The following GPBP1 variants were observed in gnomAD, a reference collection of about 807,000 sequenced individuals.
GPBP1 encodes GC-rich promoter binding protein 1, also known as vasculin.
A neutral mutation model predicts 56.5 loss-of-function variants in GPBP1; 13 were observed. The observed-to-expected ratio is 0.23, with a 90% CI of 0.15 to 0.37. GPBP1 has a LOEUF of 0.37. Among genes scored for constraint, GPBP1 ranks in the 10% least tolerant of loss-of-function variants. GPBP1 has a pLI of 1.00. For synonymous variants in GPBP1, 204 were observed against 188.9 expected (o/e 1.08, Z -0.66); for missense variants, 477 against 572.3 (o/e 0.83, Z 1.70).
chr5:57,203,857 A>G (rs930069075), intron 2 of GPBP1, among the ~76,000 whole-genome samples: 1 of 152,212 alleles, frequency 6.6e-6, no homozygotes, highest in African/African-American at 2.4e-5. Flanking sequence ...GGTAACTAAC[A>G]GATAAGACAT....
intron 2 of GPBP1, among the ~76,000 whole-genome samples, chr5:57,191,649 C>A (rs1754531577): frequency 6.6e-6 from 1 of 151,730 alleles, no homozygotes; most frequent in Admixed American, 6.6e-5. Flanking sequence ...GCAACCTCCG[C>A]CTCCTGGGTT....
Position 57,247,221 on chromosome 5 carries a change from A to G in GPBP1, c.804+6A>G, listed in dbSNP as rs774934711. ...CTACAAATTCAGTGAAAGAGGTATGACATTAAAAATCACACTTGAGGAATG... is the reference window on the plus strand; with the variant it reads ...CTACAAATTCAGTGAAAGAGGTATGGCATTAAAAATCACACTTGAGGAATG... On this transcript the variant is annotated splice_donor_region_variant and intron_variant, in intron 8 of 11. Coordinates refer to ENST00000506184, the MANE Select transcript of GPBP1 (RefSeq NM_022913.4). 6.2e-7 allele frequency: 1 copy of G among 1,605,268 alleles called. No homozygotes were observed. The highest frequency in any genetic ancestry group is 1.1e-5 in the South Asian group (1 of 89,478).
intron 6 of GPBP1, chr5:57,237,093 A>G: frequency 6.5e-7 from 1 of 1,528,866 alleles, no homozygotes; most frequent in Non-Finnish European, 8.9e-7. Context: ...GCAAATTAGT[A>G]TTTCTACCAC....
At chr5:57,184,194 T>C (rs1309831469) in intron 2 of GPBP1, among the ~76,000 whole-genome samples, 1 of 152,108 alleles carries the variant, frequency 6.6e-6, no homozygotes, top group African/African-American at 2.4e-5. Context: ...ATCGTGCCAC[T>C]GCAGTCCAAC....
intron 3 of GPBP1, among the ~76,000 whole-genome samples, chr5:57,223,809 T>A (rs999704161): frequency 4.7e-5 from 7 of 149,198 alleles, no homozygotes; most frequent in African/African-American, 7.3e-5. Context: ...TTTATAATTT[T>A]AAAAAATATA....
rs565451227 is a variant in GPBP1 at position 57,175,899 on chromosome 5, A to G, written c.-559A>G. 1 of 398,376 alleles carries G rather than the reference A, an allele frequency of 2.5e-6. No individual in the cohort carries two copies. Among genetic ancestry groups the G allele is most frequent in the African/African-American group, 2.1e-5 (1 of 48,746 alleles). The allele number at this position is 398,376 out of a possible 1,614,324, so 24.7% of individuals were successfully genotyped here. On this transcript the variant is annotated 5_prime_UTR_variant, in exon 2 of 12. An upstream start codon of the reference 5' UTR is lost. Transcript: ENST00000506184. ...TTGACTTCAGCTCTTTCATGTCACA[A>G]TGGGACACTTTTTCTGAATGAAGAG...
chr5:57,182,250 A>G (rs975011982), intron 2 of GPBP1, among the ~76,000 whole-genome samples: 3 of 151,634 alleles, frequency 2.0e-5, no homozygotes, highest in Non-Finnish European at 4.4e-5. Context: ...GGCCTGGCTA[A>G]GTTTTGTATT....
chr5:57,202,429 T>C (rs192946932), intron 2 of GPBP1, among the ~76,000 whole-genome samples: 2 of 151,842 alleles, frequency 1.3e-5, no homozygotes, highest in African/African-American at 2.4e-5. Context: ...GCTGGAATTA[T>C]AGGCGCATGC....
chr5:57,186,323 C>A (rs1305893336), intron 2 of GPBP1, among the ~76,000 whole-genome samples: 1 of 151,366 alleles, frequency 6.6e-6, no homozygotes, highest in Non-Finnish European at 1.5e-5. Flanking sequence ...GAGTTCAAGG[C>A]TGTAGTGAGC....
chr5:57,242,800 A>G (rs1740889887), intron 6 of GPBP1, among the ~76,000 whole-genome samples: 1 of 152,144 alleles, frequency 6.6e-6, no homozygotes. Context: ...CCCTGGCTGG[A>G]GTGCAGTGGT....
At chr5:57,210,335 A>C (rs1262655301) in intron 2 of GPBP1, among the ~76,000 whole-genome samples, 1 of 152,186 alleles carries the variant, frequency 6.6e-6, no homozygotes, top group Non-Finnish European at 1.5e-5. Context: ...AGAGAAAAAA[A>C]TTAGGGTTTT....
intron 2 of GPBP1, among the ~76,000 whole-genome samples, chr5:57,187,352 T>C (rs113196379): frequency 1.4e-3 from 219 of 152,336 alleles, no homozygotes; most frequent in Non-Finnish European, 2.4e-3. Context: ...GATGTAAAAG[T>C]ATCAACTTAT....
intron 11 of GPBP1, among the ~76,000 whole-genome samples, 167 bp from the exon 12 acceptor site, chr5:57,262,427 A>G (rs568284971): frequency 1.9e-4 from 29 of 152,178 alleles, no homozygotes; most frequent in Non-Finnish European, 3.4e-4. Context: ...CAGTGTGACA[A>G]TTATTACTCA....
intron 1 of GPBP1, among the ~76,000 whole-genome samples, chr5:57,174,517 C>T (rs1000497679): frequency 6.6e-6 from 1 of 152,172 alleles, no homozygotes; most frequent in Non-Finnish European, 1.5e-5. Context: ...GTCCGACGCT[C>T]TCAGTGCTCG....
In GPBP1 at chr5:57,189,128, T is replaced by C. The variant is rs1014879012; in HGVS notation, c.-58+12728T>C. 1.1e-4 allele frequency among the ~76,000 whole-genome samples: 16 copies of C among 150,000 alleles called. No individual in the cohort carries two copies. The East Asian group carries it at 2.3e-3, about 22-fold the overall frequency. On this transcript the variant is annotated intron_variant, in intron 2 of 11. Transcript: ENST00000506184. ...GGCATGCACCACCATACCCGGCTAA[T>C]TTTTTTTTTGGAAGACAGTCTCGCT... is the stretch of plus-strand genomic sequence containing the variant.
At chr5:57,184,846 C>T (rs377173653) in intron 2 of GPBP1, among the ~76,000 whole-genome samples, 6 of 152,130 alleles carry the variant, frequency 3.9e-5, no homozygotes, top group African/African-American at 9.7e-5. Context: ...GGGTATTTTC[C>T]GGAATGTCAA....
chr5:57,179,229 GCTT>G (rs1753931925), intron 2 of GPBP1, among the ~76,000 whole-genome samples: 1 of 152,028 alleles, frequency 6.6e-6, no homozygotes, highest in Admixed American at 6.6e-5. Flanking sequence ...TTCATGTACT[GCTT>G]CTCTTTGGTT....
chr5:57,183,668 A>G (rs1204972820), intron 2 of GPBP1, among the ~76,000 whole-genome samples: 1 of 152,164 alleles, frequency 6.6e-6, no homozygotes, highest in African/African-American at 2.4e-5. Flanking sequence ...ATTACGATGA[A>G]AGTGTAGTAT....
intron 3 of GPBP1, among the ~76,000 whole-genome samples, chr5:57,217,947 C>G (rs1222365585): frequency 6.6e-6 from 1 of 152,052 alleles, no homozygotes; most frequent in Non-Finnish European, 1.5e-5. Context: ...TTTCTTTTCA[C>G]TTATGAAATT....
Sources: allele counts gnomAD v4.1 joint callset (sites outside exome capture counted in the v4.1 genomes callset), GRCh38; gene constraint gnomAD v4.1.1; transcripts MANE v1.5; gene names NCBI Gene and HGNC (gene_info 2026-07-23, HGNC 2026-07-21).